Variants in ACBD6 observed in about 807,000 individuals in gnomAD.
ACBD6 encodes the protein acyl-CoA binding domain containing 6.
A neutral mutation model predicts 37.2 loss-of-function variants in ACBD6; 28 were observed. That is an observed-to-expected ratio of 0.75 (90% CI 0.56 to 1.03). The LOEUF (loss-of-function observed/expected upper bound fraction) is 1.03. Ranked by LOEUF, ACBD6 falls within the 50% of genes least tolerant of loss-of-function variation. ACBD6 has a pLI of 0.00. For missense variants in ACBD6, 340 were observed against 337.4 expected (o/e 1.01, Z -0.06); for synonymous variants, 113 against 126.8 (o/e 0.89, Z 0.73).
At chr1:180,380,923 G>A (rs1653620442) in intron 6 of ACBD6, among the ~76,000 whole-genome samples, 1 of 152,064 alleles carries the variant, frequency 6.6e-6, no homozygotes, top group Non-Finnish European at 1.5e-5. Context: ...AAGACACACA[G>A]TGGCTGAATG....
chr1:180,356,878 T>C (rs6425623), intron 6 of ACBD6, among the ~76,000 whole-genome samples: 132,759 of 149,824 alleles, frequency 0.89, 59,316 homozygotes, highest in East Asian at 0.98. Flanking sequence ...AAAGATTGTT[T>C]ATATTTGGTA....
chr1:180,310,453 T>C (rs1383154469), intron 7 of ACBD6, among the ~76,000 whole-genome samples: 1 of 152,218 alleles, frequency 6.6e-6, no homozygotes, highest in Admixed American at 6.5e-5. Context: ...TTTTATATGC[T>C]CATTTTAATG....
chr1:180,385,987 T>C (rs947583417), intron 6 of ACBD6, among the ~76,000 whole-genome samples: 1 of 152,116 alleles, frequency 6.6e-6, no homozygotes, highest in South Asian at 2.1e-4. Flanking sequence ...CTGGCCAACA[T>C]GGTGAAACCC....
intron 6 of ACBD6, among the ~76,000 whole-genome samples, chr1:180,341,434 T>C (rs1358562598): frequency 6.6e-6 from 1 of 152,160 alleles, no homozygotes; most frequent in East Asian, 1.9e-4. Context: ...AACATGAGAA[T>C]GAAAACAGGG....
chr1:180,310,033 G>A (rs1650526569), intron 7 of ACBD6, among the ~76,000 whole-genome samples: 1 of 152,028 alleles, frequency 6.6e-6, no homozygotes, highest in South Asian at 2.1e-4. Flanking sequence ...AGACACATGG[G>A]TTTGAATTTC....
intron 3 of ACBD6, among the ~76,000 whole-genome samples, chr1:180,437,942 T>TA (rs1330909214): frequency 6.6e-6 from 1 of 152,066 alleles, no homozygotes; most frequent in East Asian, 1.9e-4. Flanking sequence ...CACAGAATGT[T>TA]AGAGTAGGGG....
chr1:180,464,404 G>T (rs1406788547), intron 3 of ACBD6, among the ~76,000 whole-genome samples: 1 of 151,880 alleles, frequency 6.6e-6, no homozygotes, highest in Non-Finnish European at 1.5e-5. Flanking sequence ...CCAACAAAAT[G>T]AAGGGCTAAA....
At chr1:180,274,790 A>T in exon 10 of ACBD6, 1 of 584,076 alleles carries the variant, frequency 1.7e-6, no homozygotes, top group Non-Finnish European at 3.0e-6. Flanking sequence ...TCATCTCAGA[A>T]CACAGCACAG....
rs146707028 is a variant in ACBD6 at position 180,325,749 on chromosome 1, C to T, written c.664-11027G>A. ...ATTGGAAGAGAATTGGGTCCCAAGC[C>T]GAATAACACTGTGGTTCTTGAAAAC... On this transcript the variant is annotated intron_variant, in intron 6 of 7. Coordinates refer to ENST00000367595, the MANE Select transcript of ACBD6 (RefSeq NM_032360.4). 5.6e-3 allele frequency among the ~76,000 whole-genome samples: 846 copies of T among 152,258 alleles called. 6 individuals carry two copies. Among genetic ancestry groups the T allele is most frequent in the Non-Finnish European group, 8.4e-3 (574 of 68,016 alleles).
intron 6 of ACBD6, among the ~76,000 whole-genome samples, chr1:180,377,516 C>T (rs1256363740): frequency 6.6e-6 from 1 of 152,016 alleles, no homozygotes; most frequent in Non-Finnish European, 1.5e-5. Context: ...AACCTAGAAT[C>T]GGGGGAAATA....
intron 5 of ACBD6, 54 bp downstream of exon 5, chr1:180,413,312 T>G: frequency 7.2e-7 from 1 of 1,394,354 alleles, no homozygotes; most frequent in Non-Finnish European, 1.0e-6. Flanking sequence ...GAAAAGGCAC[T>G]GGGGCAGAAC....
chr1:180,453,588 G>A (rs1290388102), intron 3 of ACBD6, among the ~76,000 whole-genome samples: 2 of 150,280 alleles, frequency 1.3e-5, no homozygotes, highest in African/African-American at 2.5e-5. Context: ...ATTCAAATAG[G>A]AAGAGAGGAA....
rs34828086 is a variant in ACBD6, at chr1:180,282,972, G to GTTTT, written c.*94-1590_*94-1587dup. On this transcript the variant is annotated intron_variant, in intron 8 of 13. Coordinates refer to the ACBD6 transcript ENST00000642319. ...TATAAACAATAATATATGTCTTTCT[G>GTTTT]TTTTTTTTTTTTTTTTTTTTTGGAA... Among the ~76,000 whole-genome samples, 771 of 109,936 alleles carry GTTTT rather than the reference G, an allele frequency of 7.0e-3. 7 individuals carry two copies. The highest frequency in any genetic ancestry group is 9.2e-3 in the South Asian group (27 of 2,930). 72.1% of individuals were successfully genotyped at this position (109,936 alleles called of 152,430 possible).
intron 3 of ACBD6, among the ~76,000 whole-genome samples, chr1:180,451,298 C>A (rs1319108638): frequency 3.3e-5 from 5 of 152,078 alleles, no homozygotes; most frequent in African/African-American, 1.2e-4. Flanking sequence ...AATGTTGTAG[C>A]CATTTTAGAA....
rs185521538 is a variant in ACBD6, at chr1:180,502,399, C to G, written c.-133G>C. On this transcript the variant is annotated 5_prime_UTR_variant, in exon 1 of 8. Transcript: ENST00000367595. Reference sequence around the variant, plus strand: ...CAGTCGGACCCAAGCTCAGTCGCGGCGCGCTCCCTCACGTGACCCTGCTCC... The same window carrying G: ...CAGTCGGACCCAAGCTCAGTCGCGGGGCGCTCCCTCACGTGACCCTGCTCC... 1 of 977,674 alleles carries G rather than the reference C, an allele frequency of 1.0e-6. No homozygotes were observed. Among genetic ancestry groups the G allele is most frequent in the Non-Finnish European group, 1.6e-6 (1 of 630,804 alleles). The allele number at this position is 977,674 out of a possible 1,614,324, so 60.6% of individuals were successfully genotyped here. A position where few individuals can be genotyped will look rare whatever the true frequency, so the allele number is the denominator to read the frequency against.
At chr1:180,302,752 G>T (rs1275178082) in intron 7 of ACBD6, among the ~76,000 whole-genome samples, 1 of 149,830 alleles carries the variant, frequency 6.7e-6, no homozygotes, top group Non-Finnish European at 1.5e-5. Context: ...GCACCAAGAG[G>T]ACCTAATAGA....
At chr1:180,399,099 T>G in intron 5 of ACBD6, among the ~76,000 whole-genome samples, 1 of 152,234 alleles carries the variant, frequency 6.6e-6, no homozygotes, top group East Asian at 1.9e-4. Flanking sequence ...TTTGCTTGAT[T>G]TACTTTTATT....
At chr1:180,489,965 C>T (rs1651430026) in intron 3 of ACBD6, among the ~76,000 whole-genome samples, 1 of 152,132 alleles carries the variant, frequency 6.6e-6, no homozygotes, top group Non-Finnish European at 1.5e-5. Context: ...GGCCTGCAAG[C>T]ATTTTAAGAG....
intron 6 of ACBD6, among the ~76,000 whole-genome samples, chr1:180,338,409 C>G (rs1186377333): frequency 8.5e-5 from 13 of 152,166 alleles, no homozygotes; most frequent in African/African-American, 1.2e-4. Context: ...ACAAACCTGA[C>G]AAAAACAAGC....
Sources: gnomAD v4.1 joint callset for allele counts (sites outside exome capture counted in the v4.1 genomes callset) on GRCh38, gnomAD v4.1.1 for gene constraint, MANE v1.5 for transcripts, NCBI Gene and HGNC (gene_info 2026-07-23, HGNC 2026-07-21) for gene names.